The following KLHL1 variants were observed in gnomAD, a reference collection of about 807,000 sequenced individuals.
KLHL1 encodes the protein kelch like family member 1.
A neutral mutation model predicts 77.7 loss-of-function variants in KLHL1; 47 were observed. The ratio of observed to expected loss-of-function variants is 0.60; its 90% CI spans 0.48 to 0.77. The LOEUF (loss-of-function observed/expected upper bound fraction) is 0.77. Ranked by LOEUF, KLHL1 falls within the 30% of genes least tolerant of loss-of-function variation. The pLI, the probability that KLHL1 is intolerant of heterozygous loss-of-function variation, is 0.00. For synonymous variants in KLHL1, 360 were observed against 325.2 expected, an observed-to-expected ratio of 1.11 and a Z score of -1.15; for missense variants, 925 against 910.8, an observed-to-expected ratio of 1.02 and a Z score of -0.20.
At chr13:69,821,391 T>C (rs536226164) in intron 6 of KLHL1, among the ~76,000 whole-genome samples, 1 of 152,260 alleles carries the variant, frequency 6.6e-6, no homozygotes, top group East Asian at 1.9e-4. Context: ...CTTGGCTCAC[T>C]ACAACCTCCA....
chr13:70,084,392 G>A (rs1887468534), intron 1 of KLHL1, among the ~76,000 whole-genome samples: 1 of 151,246 alleles, frequency 6.6e-6, no homozygotes, highest in Non-Finnish European at 1.5e-5. Flanking sequence ...AAGTAAAAGT[G>A]AAAGCATGAA....
chr13:70,006,964 A>C (rs1885421777), intron 1 of KLHL1, among the ~76,000 whole-genome samples: 1 of 152,046 alleles, frequency 6.6e-6, no homozygotes, highest in African/African-American at 2.4e-5. Flanking sequence ...TTAGTATTAC[A>C]TTTGATTATA....
At chr13:70,050,048 T>C (rs1391901285) in intron 1 of KLHL1, among the ~76,000 whole-genome samples, 8 of 152,034 alleles carry the variant, frequency 5.3e-5, no homozygotes, top group Admixed American at 5.2e-4. Context: ...ATTTACTGCC[T>C]TAACATTTTT....
intron 7 of KLHL1, among the ~76,000 whole-genome samples, chr13:69,764,929 C>CTTTTATTTTTTTTTT (rs1875207371): frequency 2.5e-5 from 1 of 39,714 alleles, no homozygotes; most frequent in Non-Finnish European, 4.5e-5. Flanking sequence ...TATATCTTTG[C>CTTTTATTTTTTTTTT]TTTTTTTTTT....
intron 6 of KLHL1, among the ~76,000 whole-genome samples, chr13:69,812,544 G>A (rs1455914526): frequency 1.3e-5 from 2 of 152,110 alleles, no homozygotes; most frequent in South Asian, 2.1e-4. Flanking sequence ...GCAACCTACA[G>A]AATGGGAGAA....
intron 1 of KLHL1, among the ~76,000 whole-genome samples, chr13:70,072,128 A>G (rs1318827859): frequency 6.6e-6 from 1 of 152,110 alleles, no homozygotes; most frequent in African/African-American, 2.4e-5. Flanking sequence ...ATCACTATTG[A>G]TCCCATAGAC....
chr13:69,797,555 G>A (rs952677367), intron 6 of KLHL1, among the ~76,000 whole-genome samples: 6 of 151,736 alleles, frequency 4.0e-5, no homozygotes, highest in Non-Finnish European at 7.4e-5. Context: ...AATGGCTCAC[G>A]CCTGTGATCC....
intron 5 of KLHL1, among the ~76,000 whole-genome samples, chr13:69,843,020 T>C (rs1462400430): frequency 1.3e-5 from 2 of 151,596 alleles, no homozygotes; most frequent in African/African-American, 2.4e-5. Flanking sequence ...GAAAGACAGA[T>C]AACAGAGACT....
At chr13:70,076,399 T>TTC (rs1358041582) in intron 1 of KLHL1, among the ~76,000 whole-genome samples, 1 of 150,892 alleles carries the variant, frequency 6.6e-6, no homozygotes, top group East Asian at 1.9e-4. Context: ...TTTTTTTTTT[T>TTC]TTAATGGTTT....
chr13:69,856,513 C>A (rs981933513), intron 5 of KLHL1, among the ~76,000 whole-genome samples: 1 of 152,032 alleles, frequency 6.6e-6, no homozygotes, highest in Non-Finnish European at 1.5e-5. Context: ...AGGGTAAAAT[C>A]GCAGATCCTT....
intron 4 of KLHL1, among the ~76,000 whole-genome samples, chr13:69,906,972 T>C (rs1882066002): frequency 1.3e-5 from 2 of 152,028 alleles, no homozygotes; most frequent in South Asian, 4.1e-4. Context: ...TTCTCACTTT[T>C]CTGATTAAAC....
chr13:70,020,008 T>C (rs1344231533), intron 1 of KLHL1, among the ~76,000 whole-genome samples: 2 of 152,150 alleles, frequency 1.3e-5, no homozygotes, highest in African/African-American at 4.8e-5. Flanking sequence ...CCTTCTGCCT[T>C]CTGTCACGTG....
At chr13:70,098,272 T>G (rs1165528938) in intron 1 of KLHL1, among the ~76,000 whole-genome samples, 2 of 151,826 alleles carry the variant, frequency 1.3e-5, no homozygotes, top group African/African-American at 4.8e-5. Context: ...AGACATAAAC[T>G]TAGAGTAATT....
chr13:69,707,775 AG>A lies in KLHL1; in HGVS notation c.2036del (p.Thr679IlefsTer8). ...TACTCAAAGGAGCCACCATGGTCCAAGTGTCTGTTTTGGGATCATATCTAAA... is the reference window on the plus strand; with the variant it reads ...TACTCAAAGGAGCCACCATGGTCCAATGTCTGTTTTGGGATCATATCTAAA... ...YVERYDPKTD[T>X]WTMVAPLSMP... On this transcript the variant is annotated frameshift_variant, in exon 10 of 11. Transcript: ENST00000377844. LOFTEE classifies it high-confidence loss of function. The A allele has an allele frequency of 6.2e-7, 1 of 1,612,598 alleles. No homozygotes were observed. The highest frequency in any genetic ancestry group is 1.3e-5 in the African/African-American group (1 of 74,942).
chr13:69,858,719 T>C (rs1326330761), intron 5 of KLHL1, among the ~76,000 whole-genome samples: 3 of 152,052 alleles, frequency 2.0e-5, no homozygotes, highest in Non-Finnish European at 4.4e-5. Flanking sequence ...ATAAAGATAT[T>C]CAATGTACTG....
At chr13:69,933,772 G>C (rs776412017) in intron 4 of KLHL1, among the ~76,000 whole-genome samples, 6 of 151,468 alleles carry the variant, frequency 4.0e-5, no homozygotes, top group Non-Finnish European at 7.4e-5. Flanking sequence ...CATACTGGTA[G>C]CACCGGACAG....
intron 1 of KLHL1, among the ~76,000 whole-genome samples, chr13:70,093,580 A>T (rs1296069155): frequency 6.6e-6 from 1 of 152,180 alleles, no homozygotes; most frequent in Non-Finnish European, 1.5e-5. Context: ...ATCATAAGAA[A>T]AATATATTTA....
intron 4 of KLHL1, among the ~76,000 whole-genome samples, chr13:69,914,729 T>C (rs926521386): frequency 5.3e-5 from 8 of 152,224 alleles, no homozygotes. Context: ...AATTGTCATA[T>C]ATAAACAATA....
intron 2 of KLHL1, among the ~76,000 whole-genome samples, chr13:69,972,630 G>A (rs184621293): frequency 6.6e-6 from 1 of 151,826 alleles, no homozygotes; most frequent in African/African-American, 2.4e-5. Context: ...ACACTGTTTC[G>A]ATGAACATAA....
Sources: gnomAD v4.1 joint callset for allele counts (sites outside exome capture counted in the v4.1 genomes callset) on GRCh38, gnomAD v4.1.1 for gene constraint, MANE v1.5 for transcripts, NCBI Gene and HGNC (gene_info 2026-07-23, HGNC 2026-07-21) for gene names.